PRKN: variants seen among roughly 807,000 people sequenced by gnomAD.
The protein encoded by PRKN is parkin RBR E3 ubiquitin protein ligase, also known as E3 ubiquitin-protein ligase parkin.
Under a neutral mutation model 59.5 loss-of-function variants are expected in PRKN, and 56 were observed. The ratio of observed to expected loss-of-function variants is 0.94; its 90% CI spans 0.76 to 1.18. The LOEUF is 1.18. Among genes scored for constraint, PRKN ranks in the 50% most tolerant of loss-of-function variants. The pLI, the probability that PRKN is intolerant of heterozygous loss-of-function variation, is 0.00. For missense variants in PRKN, 657 were observed against 596.4 expected (o/e 1.10, Z -1.06); for synonymous variants, 250 against 222.1 (o/e 1.13, Z -1.12).
At chr6:162,547,836 C>T (rs71567656) in intron 1 of PRKN, among the ~76,000 whole-genome samples, 13,234 of 152,048 alleles carry the variant, frequency 0.087, 725 homozygotes, top group South Asian at 0.18. Flanking sequence ...TCCACTTTAG[C>T]CTCCCAAACT....
intron 4 of PRKN, among the ~76,000 whole-genome samples, chr6:162,173,349 T>A (rs111913184): frequency 0.011 from 1,621 of 152,214 alleles, 28 homozygotes; most frequent in African/African-American, 0.037. Flanking sequence ...GAGTACAAGA[T>A]GGAAAACCAA....
At position 161,842,975 on chromosome 6, in the gene PRKN, C is replaced by T. The variant is rs116428513; in HGVS notation, c.735-57067G>A. Among the ~76,000 whole-genome samples the T allele has an allele frequency of 5.7e-3, 874 of 152,204 alleles. 6 individuals carry two copies. The highest frequency in any genetic ancestry group is 0.02 in the African/African-American group (810 of 41,532). ...TTGTCAGCTATTTCCTCTGCTGAAACGAACTTTCATCTTTAATCTACTCAG... is the reference window on the plus strand; with the variant it reads ...TTGTCAGCTATTTCCTCTGCTGAAATGAACTTTCATCTTTAATCTACTCAG... On this transcript the variant is annotated intron_variant, in intron 6 of 11. Coordinates refer to ENST00000366898, the MANE Select transcript of PRKN (RefSeq NM_004562.3).
At chr6:162,409,105 G>C (rs1381208260) in intron 2 of PRKN, among the ~76,000 whole-genome samples, 2 of 151,994 alleles carry the variant, frequency 1.3e-5, no homozygotes, top group Non-Finnish European at 2.9e-5. Context: ...ATCTGCTTTT[G>C]TGGTGTACCT....
intron 9 of PRKN, among the ~76,000 whole-genome samples, chr6:161,430,708 G>C (rs1360204938): frequency 6.7e-6 from 1 of 150,282 alleles, no homozygotes; most frequent in African/African-American, 2.4e-5. Flanking sequence ...CCAGCTACTC[G>C]GGAGGCTGAG....
intron 6 of PRKN, among the ~76,000 whole-genome samples, chr6:161,887,758 A>T (rs1795207466): frequency 1.3e-5 from 2 of 152,218 alleles, no homozygotes; most frequent in African/African-American, 4.8e-5. Flanking sequence ...GACTGCCGGT[A>T]GAAATGCAAT....
chr6:161,535,845 C>T (rs896351772), intron 9 of PRKN, among the ~76,000 whole-genome samples: 1 of 152,128 alleles, frequency 6.6e-6, no homozygotes, highest in African/African-American at 2.4e-5. Flanking sequence ...AAATAAACTC[C>T]CATCCCCTTA....
chr6:161,833,031 T>C (rs889427143), intron 6 of PRKN, among the ~76,000 whole-genome samples: 9 of 152,140 alleles, frequency 5.9e-5, no homozygotes, highest in Non-Finnish European at 1.3e-4. Flanking sequence ...GGAAGCCTCA[T>C]GAGACACACA....
chr6:162,619,265 C>A (rs1226711746), intron 1 of PRKN, among the ~76,000 whole-genome samples: 1 of 151,708 alleles, frequency 6.6e-6, no homozygotes, highest in African/African-American at 2.4e-5. Flanking sequence ...GCCTCGGCCT[C>A]CCGAGTAGCT....
chr6:161,666,619 T>G (rs561787882), intron 7 of PRKN, among the ~76,000 whole-genome samples: 10 of 152,312 alleles, frequency 6.6e-5, no homozygotes, highest in Non-Finnish European at 1.5e-4. Flanking sequence ...AAAAACTACA[T>G]GCAAGGCAAA....
intron 10 of PRKN, among the ~76,000 whole-genome samples, chr6:161,375,769 G>A (rs537624563): frequency 6.6e-6 from 1 of 152,116 alleles, no homozygotes; most frequent in South Asian, 2.1e-4. Context: ...GCAGAGGGGC[G>A]GGTGCTGTCC....
chr6:162,479,932 G>A (rs2128181755), intron 1 of PRKN, among the ~76,000 whole-genome samples: 1 of 152,096 alleles, frequency 6.6e-6, no homozygotes, highest in African/African-American at 2.4e-5. Context: ...GGGCGTGGTG[G>A]CGCATGCCTG....
intron 5 of PRKN, among the ~76,000 whole-genome samples, chr6:161,992,456 AT>A (rs1781687308): frequency 6.6e-6 from 1 of 152,198 alleles, no homozygotes; most frequent in African/African-American, 2.4e-5. Flanking sequence ...ACCCAGATAT[AT>A]TTTTTAAAAA....
At chr6:162,492,358 G>C (rs1281957311) in intron 1 of PRKN, among the ~76,000 whole-genome samples, 1 of 152,206 alleles carries the variant, frequency 6.6e-6, no homozygotes, top group Non-Finnish European at 1.5e-5. Flanking sequence ...AATGCAGGCT[G>C]AGCTCCACAG....
intron 1 of PRKN, among the ~76,000 whole-genome samples, chr6:162,713,724 G>C (rs562514600): frequency 6.6e-6 from 1 of 152,052 alleles, no homozygotes; most frequent in South Asian, 2.1e-4. Context: ...TTGTCTGTTA[G>C]CTATACTTAT....
Position 161,657,616 on chromosome 6 carries a change from T to C in PRKN, c.872-88200A>G, listed in dbSNP as rs1784397598. ...GTTGCAACAACCAAATTGCTAACAGTCCACCAGTTTAAGGGCTGAGAATAT... is the reference window on the plus strand; with the variant it reads ...GTTGCAACAACCAAATTGCTAACAGCCCACCAGTTTAAGGGCTGAGAATAT... On this transcript the variant is annotated intron_variant, in intron 7 of 11. Transcript: ENST00000366898. Among the ~76,000 whole-genome samples, 4 of 152,324 alleles carry C rather than the reference T, an allele frequency of 2.6e-5. No homozygotes were observed. In the South Asian group the frequency reaches 8.3e-4, roughly 32 times the overall value.
intron 5 of PRKN, among the ~76,000 whole-genome samples, chr6:162,028,322 A>G (rs186381235): frequency 3.3e-5 from 5 of 152,312 alleles, no homozygotes; most frequent in Admixed American, 6.5e-5. Flanking sequence ...AAGTATGTCA[A>G]TGTTTTCAGT....
intron 7 of PRKN, among the ~76,000 whole-genome samples, chr6:161,774,543 G>A (rs542080542): frequency 6.6e-6 from 1 of 152,290 alleles, no homozygotes; most frequent in South Asian, 2.1e-4. Flanking sequence ...CCAGTGTGGT[G>A]TGCTGCTTGC....
chr6:161,691,244 C>T (rs944557941), intron 7 of PRKN, among the ~76,000 whole-genome samples: 1 of 152,222 alleles, frequency 6.6e-6, no homozygotes, highest in African/African-American at 2.4e-5. Context: ...GGCTTCAACC[C>T]TAACCTCTCA....
In PRKN at chr6:161,916,790, A is replaced by C. The variant is rs572856873; in HGVS notation, c.734+56512T>G. On this transcript the variant is annotated intron_variant, in intron 6 of 11. Transcript: ENST00000366898. ...TAGACGACGTTAGTCTTTAATTTTAATTTTTCTTTTTCTTTTTCTTTTTTT... is the reference window on the plus strand; with the variant it reads ...TAGACGACGTTAGTCTTTAATTTTACTTTTTCTTTTTCTTTTTCTTTTTTT... Among the ~76,000 whole-genome samples the C allele has an allele frequency of 3.5e-3, 538 of 152,042 alleles. 6 individuals are homozygous for C. Among genetic ancestry groups the C allele is most frequent in the African/African-American group, 0.011 (466 of 41,472 alleles).
Sources: allele counts gnomAD v4.1 joint callset (sites outside exome capture counted in the v4.1 genomes callset), GRCh38; gene constraint gnomAD v4.1.1; transcripts MANE v1.5; gene names NCBI Gene and HGNC (gene_info 2026-07-23, HGNC 2026-07-21).